EED: variants seen among roughly 807,000 people sequenced by gnomAD.
The protein encoded by EED is polycomb protein EED.
In EED, 9 loss-of-function variants were observed where a neutral mutation model predicts 61.0. The observed-to-expected ratio is 0.15, with a 90% confidence interval of 0.09 to 0.26. EED has a LOEUF of 0.26. Ranked by LOEUF, EED falls within the 10% of genes least tolerant of loss-of-function variation. The pLI, the probability that EED is intolerant of heterozygous loss-of-function variation, is 1.00. For synonymous variants in EED, 187 were observed against 174.4 expected, an observed-to-expected ratio of 1.07 and a Z score of -0.57; for missense variants, 315 against 542.3, an observed-to-expected ratio of 0.58 and a Z score of 4.16.
intron 6 of EED, 104 bp downstream of exon 6, chr11:86,257,700 G>T: frequency 1.2e-6 from 1 of 833,508 alleles, no homozygotes; most frequent in Non-Finnish European, 1.8e-6. Flanking sequence ...CATGAGAAGA[G>T]AGTCCACATG....
At chr11:86,277,279 T>A in intron 10 of EED, 141 bp downstream of exon 10, 1 of 716,316 alleles carries the variant, frequency 1.4e-6, no homozygotes, top group Non-Finnish European at 2.1e-6. Flanking sequence ...CCCTTTGATG[T>A]CATTCATCAA....
intron 6 of EED, among the ~76,000 whole-genome samples, chr11:86,259,656 A>G (rs1452018909): frequency 3.9e-5 from 6 of 152,214 alleles, no homozygotes; most frequent in African/African-American, 1.4e-4. Context: ...TAGCTCAACA[A>G]TAAAAAGACA....
At chr11:86,262,897 A>G (rs766841037) in intron 6 of EED, among the ~76,000 whole-genome samples, 2 of 151,058 alleles carry the variant, frequency 1.3e-5, no homozygotes, top group Non-Finnish European at 2.9e-5. Flanking sequence ...CTGCAGCCCA[A>G]AACTCCTAGG....
intron 2 of EED, among the ~76,000 whole-genome samples, chr11:86,251,684 T>A (rs1451975482): frequency 6.6e-6 from 1 of 152,200 alleles, no homozygotes; most frequent in Non-Finnish European, 1.5e-5. Context: ...AACAGTGATT[T>A]GAATGGAGTC....
Position 86,245,211 on chromosome 11 carries a change from T to TGGAGGGAGGCGGAGGAATATGTCCG in EED, c.-18_7dup, listed in dbSNP as rs1945358059. ...GGCCCCGCCCCAGGCGGCAGGAACC[T>TGGAGGGAGGCGGAGGAATATGTCCG]GGAGGGAGGCGGAGGAATATGTCCG... On this transcript the variant is annotated 5_prime_UTR_variant, in exon 1 of 12. The change creates a new upstream start codon in the 5' untranslated region. Transcript: ENST00000263360. 4 of 1,604,072 alleles carry TGGAGGGAGGCGGAGGAATATGTCCG rather than the reference T, an allele frequency of 2.5e-6. No homozygotes were observed. Among genetic ancestry groups the TGGAGGGAGGCGGAGGAATATGTCCG allele is most frequent in the Non-Finnish European group, 1.7e-6 (2 of 1,174,096 alleles).
chr11:86,272,323 G>A, intron 9 of EED, among the ~76,000 whole-genome samples: 1 of 151,806 alleles, frequency 6.6e-6, no homozygotes, highest in Non-Finnish European at 1.5e-5. Context: ...CTCCCGACGT[G>A]CTGGGGTTAC....
chr11:86,273,658 G>A (rs1946166964), intron 9 of EED, among the ~76,000 whole-genome samples: 2 of 152,112 alleles, frequency 1.3e-5, no homozygotes, highest in Non-Finnish European at 1.5e-5. Flanking sequence ...TCTGAAGGAT[G>A]TATTCACTCG....
chr11:86,256,322 T>C (rs1283261265), intron 4 of EED, 65 bp from the exon 5 acceptor site: 2 of 1,409,642 alleles, frequency 1.4e-6, no homozygotes, highest in African/African-American at 1.4e-5. Flanking sequence ...TATAAGTTTC[T>C]ATTATAATTA....
At chr11:86,263,000 GT>G in intron 6 of EED, among the ~76,000 whole-genome samples, 1 of 152,022 alleles carries the variant, frequency 6.6e-6, no homozygotes, top group Non-Finnish European at 1.5e-5. Flanking sequence ...TAGGGATTGG[GT>G]CTCACTATGT....
chr11:86,258,814 C>T (rs914743662), intron 6 of EED, among the ~76,000 whole-genome samples: 1 of 151,960 alleles, frequency 6.6e-6, no homozygotes, highest in African/African-American at 2.4e-5. Context: ...TCTCAGCCTC[C>T]TAAAGTGCTG....
downstream of EED, among the ~76,000 whole-genome samples, chr11:86,282,916 CCCCAGG>C (rs1174694860): frequency 5.3e-5 from 8 of 151,980 alleles, no homozygotes; most frequent in Admixed American, 5.2e-4. Flanking sequence ...GATTGCTTGA[CCCCAGG>C]AGTTCAAGAC....
chr11:86,254,566 G>A (rs190448591), intron 3 of EED, among the ~76,000 whole-genome samples: 63 of 151,776 alleles, frequency 4.2e-4, no homozygotes, highest in African/African-American at 9.7e-4. Flanking sequence ...TGATCCACCC[G>A]CCTCGGCCTC....
At chr11:86,245,456 C>T in intron 1 of EED, 113 bp downstream of exon 1, 1 of 868,182 alleles carries the variant, frequency 1.2e-6, no homozygotes, top group Non-Finnish European at 1.8e-6. Context: ...AGGTGTCACT[C>T]AGGAAAACGC....
intron 8 of EED, among the ~76,000 whole-genome samples, chr11:86,267,288 C>A (rs975179381): frequency 4.6e-5 from 7 of 152,224 alleles, no homozygotes; most frequent in Non-Finnish European, 8.8e-5. Context: ...AACAAAATAT[C>A]CCAGAATTTG....
chr11:86,259,008 AG>A (rs2138170668), intron 6 of EED, among the ~76,000 whole-genome samples: 1 of 151,938 alleles, frequency 6.6e-6, no homozygotes, highest in South Asian at 2.1e-4. Context: ...CTGGGATTAC[AG>A]GCGCCCTCCA....
At position 86,278,591 on chromosome 11, in the gene EED, T is replaced by A. The variant is rs1201014510; in HGVS notation, c.*66T>A. 1.3e-6 allele frequency: 2 copies of A among 1,578,770 alleles called. No individual in the cohort carries two copies. The highest frequency in any genetic ancestry group is 1.7e-6 in the Non-Finnish European group (2 of 1,159,244). On this transcript the variant is annotated 3_prime_UTR_variant, in exon 12 of 12. Coordinates refer to ENST00000263360, the MANE Select transcript of EED (RefSeq NM_003797.5). Reference sequence around the variant, plus strand: ...TGTGTAAAATAGAATTAATGTATCTTGCTAGTAAGGGCACGTAGAGCATTT... The same window carrying A: ...TGTGTAAAATAGAATTAATGTATCTAGCTAGTAAGGGCACGTAGAGCATTT...
intron 8 of EED, among the ~76,000 whole-genome samples, chr11:86,267,506 G>C (rs1305444587): frequency 1.3e-5 from 2 of 152,092 alleles, no homozygotes; most frequent in African/African-American, 4.8e-5. Context: ...AGCTTGTTTT[G>C]TTTCTTCTCA....
At chr11:86,287,432 A>G in the EED span, among the ~76,000 whole-genome samples, 1 of 152,128 alleles carries the variant, frequency 6.6e-6, no homozygotes, top group Non-Finnish European at 1.5e-5. Flanking sequence ...TTTCATGGTT[A>G]TTTTCTGATG....
At chr11:86,246,420 A>G (rs940657795) in intron 1 of EED, among the ~76,000 whole-genome samples, 2 of 152,230 alleles carry the variant, frequency 1.3e-5, no homozygotes, top group Admixed American at 6.5e-5. Flanking sequence ...TTAGGAATAA[A>G]TGTTACATCT....
Sources: gnomAD v4.1 joint callset for allele counts (sites outside exome capture counted in the v4.1 genomes callset) on GRCh38, gnomAD v4.1.1 for gene constraint, MANE v1.5 for transcripts, NCBI Gene and HGNC (gene_info 2026-07-23, HGNC 2026-07-21) for gene names.